PCDHA10: variants seen among roughly 807,000 people sequenced by gnomAD.
PCDHA10 encodes protocadherin alpha 10, also known as protocadherin alpha-10.
In PCDHA10, 45 loss-of-function variants were observed where a neutral mutation model predicts 61.2. That is an observed-to-expected ratio of 0.74 (90% CI 0.58 to 0.94). The LOEUF is 0.94. PCDHA10 is among the 40% of genes least tolerant of loss of function. The pLI is 0.00. For synonymous variants in PCDHA10, 602 were observed against 548.8 expected, an observed-to-expected ratio of 1.10 and a Z score of -1.35; for missense variants, 1,278 against 1,236.2, an observed-to-expected ratio of 1.03 and a Z score of -0.51.
At chr5:140,906,609 T>C (rs376857630) in intron 1 of PCDHA10, among the ~76,000 whole-genome samples, 2 of 152,348 alleles carry the variant, frequency 1.3e-5, no homozygotes, top group East Asian at 3.9e-4. Flanking sequence ...TCATTCTGTA[T>C]TCCCTTTGCC....
At chr5:140,951,507 C>A (rs2094591964) in intron 1 of PCDHA10, among the ~76,000 whole-genome samples, 1 of 151,952 alleles carries the variant, frequency 6.6e-6, no homozygotes, top group African/African-American at 2.4e-5. Flanking sequence ...AAAAGGAAAG[C>A]GGCTCATCTT....
At chr5:140,919,674 G>C (rs1554199207) in intron 1 of PCDHA10, among the ~76,000 whole-genome samples, 1 of 151,886 alleles carries the variant, frequency 6.6e-6, no homozygotes, top group Non-Finnish European at 1.5e-5. Context: ...TTAGCTTATT[G>C]GTATCTGCTT....
intron 1 of PCDHA10, among the ~76,000 whole-genome samples, chr5:140,941,026 C>T (rs1330663914): frequency 6.6e-6 from 1 of 152,066 alleles, no homozygotes; most frequent in Admixed American, 6.5e-5. Flanking sequence ...TTCCTTCTGG[C>T]CTTTTTGGTG....
At chr5:140,988,093 G>C (rs17119334) in intron 3 of PCDHA10, among the ~76,000 whole-genome samples, 1 of 152,036 alleles carries the variant, frequency 6.6e-6, no homozygotes, top group Non-Finnish European at 1.5e-5. Flanking sequence ...GTGCAGCCTC[G>C]GGCCTTGTTG....
chr5:140,969,600 C>CTAAAACACA, intron 1 of PCDHA10: 1 of 778,552 alleles, frequency 1.3e-6, no homozygotes, highest in South Asian at 2.1e-5. Flanking sequence ...ATATTTAATG[C>CTAAAACACA]TAAAACACAG....
intron 1 of PCDHA10, among the ~76,000 whole-genome samples, chr5:140,891,039 AC>A (rs143686625): frequency 0.024 from 3,682 of 152,150 alleles, 153 homozygotes; most frequent in African/African-American, 0.085. Context: ...CTTAGGTGTG[AC>A]CCCCACAGCA....
intron 1 of PCDHA10, among the ~76,000 whole-genome samples, chr5:140,947,220 T>A (rs531697572): frequency 6.6e-6 from 1 of 151,686 alleles, no homozygotes; most frequent in East Asian, 1.9e-4. Flanking sequence ...ATCCTGTCAT[T>A]TATGACAGGA....
chr5:140,916,721 T>G (rs2077698319), intron 1 of PCDHA10, among the ~76,000 whole-genome samples: 1 of 152,186 alleles, frequency 6.6e-6, no homozygotes, highest in Non-Finnish European at 1.5e-5. Context: ...AAGGAGTGAC[T>G]TTTGTTGCTG....
chr5:140,892,578 T>G (rs2063581965), intron 1 of PCDHA10, among the ~76,000 whole-genome samples: 1 of 152,178 alleles, frequency 6.6e-6, no homozygotes, highest in Non-Finnish European at 1.5e-5. Context: ...AAAGTATATC[T>G]CAGTATTCAT....
At position 140,857,233 on chromosome 5, in the gene PCDHA10, G is replaced by A. The variant is rs1308790390; in HGVS notation, c.1185G>A (p.Lys395=). The A allele has an allele frequency of 4.4e-6, 7 of 1,598,456 alleles. 1 individual carries two copies. Among genetic ancestry groups the A allele is most frequent in the Non-Finnish European group, 6.0e-6 (7 of 1,167,974 alleles). The change falls in exon 1 of 4, where the codon AAG becomes AAA. Residue 395 remains lysine (K), a synonymous_variant. Coordinates refer to ENST00000307360, the MANE Select transcript of PCDHA10 (RefSeq NM_018901.4). The part of the protein sequence containing the change: ...TCSLTPHVPF[K]LVSTYKNYYS... Reference sequence around the variant, plus strand: ...CTCTGACGCCTCACGTTCCGTTCAAGCTGGTGTCCACCTACAAGAATTACT... The same window carrying A: ...CTCTGACGCCTCACGTTCCGTTCAAACTGGTGTCCACCTACAAGAATTACT...
intron 1 of PCDHA10, chr5:140,862,507 G>C (rs2047400822): frequency 5.0e-6 from 2 of 401,986 alleles, no homozygotes; most frequent in Non-Finnish European, 5.0e-6. Flanking sequence ...ATGGGGACTC[G>C]CTTTCATTGT....
chr5:140,942,316 A>G (rs1197832358), intron 1 of PCDHA10, among the ~76,000 whole-genome samples: 1 of 152,100 alleles, frequency 6.6e-6, no homozygotes, highest in Non-Finnish European at 1.5e-5. Flanking sequence ...AGGTCGAGGC[A>G]CAAGAATCAC....
At chr5:140,928,097 C>T (rs2084934742) in intron 1 of PCDHA10, 2 of 1,614,054 alleles carry the variant, frequency 1.2e-6, no homozygotes, top group African/African-American at 2.7e-5. Flanking sequence ...ATTGATGGGC[C>T]CCTGGACCGG....
chr5:140,887,728 C>T (rs1313632263), intron 1 of PCDHA10, among the ~76,000 whole-genome samples: 1 of 151,970 alleles, frequency 6.6e-6, no homozygotes, highest in Non-Finnish European at 1.5e-5. Context: ...TTTTTCTTTC[C>T]TTCCATCCTT....
intron 1 of PCDHA10, chr5:140,860,149 A>ATG (rs1239190968): frequency 6.7e-6 from 1 of 150,348 alleles, no homozygotes; most frequent in East Asian, 1.9e-4. Context: ...ATATGTATAT[A>ATG]TGTGTATATA....
chr5:140,945,635 T>C (rs1200996842), intron 1 of PCDHA10, among the ~76,000 whole-genome samples: 1 of 152,024 alleles, frequency 6.6e-6, no homozygotes, highest in Admixed American at 6.5e-5. Context: ...ATAAAAGACA[T>C]GTAGACCAAT....
intron 1 of PCDHA10, among the ~76,000 whole-genome samples, chr5:140,899,689 C>A (rs1033793263): frequency 4.6e-5 from 7 of 152,254 alleles, no homozygotes; most frequent in Admixed American, 4.6e-4. Flanking sequence ...ATGATGCTGG[C>A]CTCATAAAAT....
At chr5:140,870,392 GT>G in intron 1 of PCDHA10, 1 of 1,614,254 alleles carries the variant, frequency 6.2e-7, no homozygotes, top group Middle Eastern at 1.6e-4. Flanking sequence ...CGGGATGGGG[GT>G]TCGCCTTCTC....
intron 1 of PCDHA10, among the ~76,000 whole-genome samples, chr5:140,956,370 A>G (rs1229960310): frequency 6.6e-6 from 1 of 152,152 alleles, no homozygotes; most frequent in East Asian, 1.9e-4. Context: ...GGGATGTTGA[A>G]TTTTATCGAA....
Sources: gnomAD v4.1 joint callset for allele counts (sites outside exome capture counted in the v4.1 genomes callset) on GRCh38, gnomAD v4.1.1 for gene constraint, MANE v1.5 for transcripts, NCBI Gene and HGNC (gene_info 2026-07-23, HGNC 2026-07-21) for gene names.